Variants in MCFD2 observed in about 807,000 individuals in gnomAD.
The protein encoded by MCFD2 is multiple coagulation factor deficiency 2, ER cargo receptor complex subunit.
MCFD2 carries 11 observed loss-of-function variants against 12.8 expected under a neutral mutation model. The ratio of observed to expected loss-of-function variants is 0.86; its 90% CI spans 0.54 to 1.42. The LOEUF (loss-of-function observed/expected upper bound fraction) is 1.42, where lower values mean the gene tolerates loss of function less well. Ranked by LOEUF, MCFD2 falls within the 40% of genes most tolerant of loss-of-function variation. MCFD2 has a pLI of 0.00. For synonymous variants in MCFD2, 70 were observed against 68.1 expected (o/e 1.03, Z -0.14); for missense variants, 191 against 178.6 (o/e 1.07, Z -0.40).
At position 46,908,676 on chromosome 2, in the gene MCFD2, G is replaced by A; in HGVS notation, c.149+347C>T. ...TTGATTTAAAAAAGGTCTTGTTATA[G>A]TCAAGAAACCTTAGCTATTTTCTGG... is the stretch of plus-strand genomic sequence containing the variant. On this transcript the variant is annotated intron_variant, in intron 2 of 3. Coordinates refer to ENST00000319466, the MANE Select transcript of MCFD2 (RefSeq NM_139279.6). This position sits in a 1 kb window ranked among gnomAD's most constrained non-coding sequence, Gnocchi z 4.5. 1 of 365,696 alleles carries A rather than the reference G, an allele frequency of 2.7e-6. No individual in the cohort carries two copies. Among genetic ancestry groups the A allele is most frequent in the South Asian group, 2.5e-5 (1 of 40,322 alleles). The allele number at this position is 365,696 out of a possible 1,614,324, so 22.7% of individuals were successfully genotyped here. A position where few individuals can be genotyped will look rare whatever the true frequency, so the allele number is the denominator to read the frequency against.
chr2:46,921,229 A>G (rs1669086846), intron 1 of MCFD2, among the ~76,000 whole-genome samples: 1 of 152,220 alleles, frequency 6.6e-6, no homozygotes, highest in Non-Finnish European at 1.5e-5. Context: ...AAGTAAAAGT[A>G]TCTTTATTCA....
chr2:46,936,234 T>C (rs1669970577), intron 1 of MCFD2, among the ~76,000 whole-genome samples: 1 of 152,268 alleles, frequency 6.6e-6, no homozygotes, highest in South Asian at 2.1e-4. Flanking sequence ...ATCTGCCTTA[T>C]TACTAACAAC....
rs1173779164 is a variant in MCFD2, at chr2:46,940,893, C to T, written c.-8+679G>A. Among the ~76,000 whole-genome samples the T allele has an allele frequency of 1.3e-5, 2 of 152,164 alleles. No homozygotes were observed. The highest frequency in any genetic ancestry group is 3.9e-4 in the East Asian group (2 of 5,110). On this transcript the variant is annotated intron_variant, in intron 1 of 2. Transcript: ENST00000409147. This position sits in a 1 kb window ranked among gnomAD's most constrained non-coding sequence, Gnocchi z 4.7. ...TTTTGTGACGTGTCAGGGGCAGCAGCGGTGACGGGGCCACCACACAAAGCC... is the reference window on the plus strand; with the variant it reads ...TTTTGTGACGTGTCAGGGGCAGCAGTGGTGACGGGGCCACCACACAAAGCC...
rs1668337588 is a variant in MCFD2 at position 46,908,408 on chromosome 2, G to GT, written c.150-440dup. On this transcript the variant is annotated intron_variant, in intron 2 of 3. Coordinates refer to ENST00000319466, the MANE Select transcript of MCFD2 (RefSeq NM_139279.6). The surrounding 1 kb of genome is among the most constrained non-coding windows in gnomAD (Gnocchi z 4.5). ...CCCAAGTAGCTGGGACCATAGGCAT[G>GT]TACTGCCACATCCAGCTAATTTTTT... 1 of 285,108 alleles carries GT rather than the reference G, an allele frequency of 3.5e-6. No homozygotes were observed. Among genetic ancestry groups the GT allele is most frequent in the Non-Finnish European group, 6.8e-6 (1 of 147,624 alleles). The allele number at this position is 285,108 out of a possible 1,614,324, so 17.7% of individuals were successfully genotyped here.
chr2:46,912,150 A>G (rs1462416876), intron 1 of MCFD2, among the ~76,000 whole-genome samples: 2 of 151,910 alleles, frequency 1.3e-5, no homozygotes, highest in Non-Finnish European at 2.9e-5. Flanking sequence ...AGCCTGGCCA[A>G]TGTGGCAAAA....
At chr2:46,921,489 C>T (rs1421520757) in intron 1 of MCFD2, among the ~76,000 whole-genome samples, 2 of 152,218 alleles carry the variant, frequency 1.3e-5, no homozygotes, top group Non-Finnish European at 2.9e-5. Flanking sequence ...TCATTCTGTT[C>T]TCTGAAGTTC....
intron 1 of MCFD2, among the ~76,000 whole-genome samples, chr2:46,923,920 G>A (rs1558474466): frequency 6.6e-6 from 1 of 152,116 alleles, no homozygotes; most frequent in Non-Finnish European, 1.5e-5. Flanking sequence ...ATTTTTAGCA[G>A]AGACGGAGTT....
At chr2:46,912,639 C>A (rs1044162739) in intron 1 of MCFD2, 1 of 152,224 alleles carries the variant, frequency 6.6e-6, no homozygotes. Context: ...CAGAAGGCTC[C>A]CGTCCACAGC....
In MCFD2 at chr2:46,937,621, A is replaced by G. The variant is rs1362417833; in HGVS notation, c.-8+3951T>C. Among the ~76,000 whole-genome samples the G allele has an allele frequency of 6.6e-6, 1 of 152,202 alleles. No homozygotes were observed. Among genetic ancestry groups the G allele is most frequent in the African/African-American group, 2.4e-5 (1 of 41,450 alleles). On this transcript the variant is annotated intron_variant, in intron 1 of 2. Coordinates refer to the MCFD2 transcript ENST00000409147. The surrounding 1 kb of genome is among the most constrained non-coding windows in gnomAD (Gnocchi z 4.0). ...AATGATGATTTTTTATTTATTTTGT[A>G]GAGACAGGGTCTCACTAGATTGTCC...
chr2:46,934,843 C>T (rs1165430105), intron 1 of MCFD2, among the ~76,000 whole-genome samples: 1 of 123,068 alleles, frequency 8.1e-6, no homozygotes, highest in East Asian at 2.6e-4. Context: ...GCTCTGTCGC[C>T]AGGCTGGAGT....
At position 46,909,478 on chromosome 2, in the gene MCFD2, C is replaced by A. The variant is rs62136825; in HGVS notation, c.-6-301G>T. ...TCTTGCCTCCCAGAAGTTATGGTCCCCTGAAAGAAATATTTTCTATCAAGA... is the reference window on the plus strand; with the variant it reads ...TCTTGCCTCCCAGAAGTTATGGTCCACTGAAAGAAATATTTTCTATCAAGA... On this transcript the variant is annotated intron_variant, in intron 1 of 3. Transcript: ENST00000319466. Among the ~76,000 whole-genome samples, 18,600 of 152,112 alleles carry A rather than the reference C, an allele frequency of 0.12. 1,635 individuals are homozygous for A. Among genetic ancestry groups the A allele is most frequent in the African/African-American group, 0.24 (10,090 of 41,456 alleles).
chr2:46,915,117 C>T (rs1390247657), intron 1 of MCFD2, among the ~76,000 whole-genome samples: 2 of 152,142 alleles, frequency 1.3e-5, no homozygotes, highest in African/African-American at 2.4e-5. Flanking sequence ...CAGGAAGACA[C>T]CGAGGTAGTC....
At chr2:46,935,137 C>T (rs746903264) in intron 1 of MCFD2, among the ~76,000 whole-genome samples, 2 of 151,984 alleles carry the variant, frequency 1.3e-5, no homozygotes, top group Non-Finnish European at 2.9e-5. Context: ...ATTACTAGAC[C>T]AACACCCCTG....
At chr2:46,916,963 C>T (rs191668010), upstream of MCFD2, among the ~76,000 whole-genome samples, 1 of 151,690 alleles carries the variant, frequency 6.6e-6, no homozygotes. Flanking sequence ...GCCCTTCTCC[C>T]ATTTCTGTCC....
In MCFD2 at chr2:46,941,405, C is replaced by T. The variant is rs1163117441; in HGVS notation, c.-8+167G>A. The T allele has an allele frequency of 1.3e-6, 1 of 767,250 alleles. No individual in the cohort carries two copies. Among genetic ancestry groups the T allele is most frequent in the African/African-American group, 2.2e-5 (1 of 45,940 alleles). 47.5% of individuals were successfully genotyped at this position (767,250 alleles called of 1,614,324 possible). On this transcript the variant is annotated intron_variant, in intron 1 of 2. Coordinates refer to the MCFD2 transcript ENST00000409147. The surrounding 1 kb of genome is among the most constrained non-coding windows in gnomAD (Gnocchi z 4.2). The stretch of plus-strand genomic sequence containing the variant: ...TGCTGCCCACCCTCCGCCGCCCGGG[C>T]CCCCGCTGCCGCCCGGGCCCCGGCT...
At chr2:46,932,237 C>T (rs1669744714) in intron 1 of MCFD2, among the ~76,000 whole-genome samples, 1 of 151,648 alleles carries the variant, frequency 6.6e-6, no homozygotes, top group African/African-American at 2.4e-5. Flanking sequence ...GCAACCTCTT[C>T]CTCCTCGGTT....
At chr2:46,932,153 C>CTTTT (rs1173541336) in intron 1 of MCFD2, among the ~76,000 whole-genome samples, 1 of 144,118 alleles carries the variant, frequency 6.9e-6, no homozygotes, top group Non-Finnish European at 1.5e-5. Context: ...TTCTGGGATT[C>CTTTT]TTTTTTTTTT....
chr2:46,905,910 T>A lies in MCFD2; in HGVS notation c.310-316A>T, dbSNP rs1287718575. The A allele has an allele frequency of 1.2e-5, 6 of 495,454 alleles. No homozygotes were observed. In the East Asian group the frequency reaches 3.7e-4, roughly 31 times the overall value. The allele number at this position is 495,454 out of a possible 1,614,324, so 30.7% of individuals were successfully genotyped here. ...CAAAATAGGCTTTTGCTTATTTGTT[T>A]CATTATGGCTCATTCTTCTTTAATT... On this transcript the variant is annotated intron_variant, in intron 3 of 3. Coordinates refer to ENST00000319466, the MANE Select transcript of MCFD2 (RefSeq NM_139279.6).
chr2:46,907,953 G>A lies in MCFD2; in HGVS notation c.166C>T (p.Leu56=). The change falls in exon 3 of 4, where the codon CTA becomes TTA. Residue 56 remains leucine, a synonymous_variant. Coordinates refer to ENST00000319466, the MANE Select transcript of MCFD2 (RefSeq NM_139279.6). This position sits in a 1 kb window ranked among gnomAD's most constrained non-coding sequence, Gnocchi z 4.1. ...TCTGGTTTGTTGATGACACCTTCTA[G>A]ATGCTCCATGATATGCCTAAAAATC... ...VHDQEHIMEH[L]EGVINKPEAE... is the part of the protein sequence containing the mutation. 6.2e-7 allele frequency: 1 copy of A among 1,614,156 alleles called. No individual in the cohort carries two copies. Among genetic ancestry groups the A allele is most frequent in the Non-Finnish European group, 8.5e-7 (1 of 1,180,034 alleles).
Sources: allele counts gnomAD v4.1 joint callset (sites outside exome capture counted in the v4.1 genomes callset), GRCh38; gene constraint gnomAD v4.1.1; non-coding constraint Gnocchi (gnomAD v3.1); transcripts MANE v1.5; gene names NCBI Gene and HGNC (gene_info 2026-07-23, HGNC 2026-07-21).